Variants in NGEF observed in about 807,000 individuals in gnomAD.
NGEF encodes neuronal guanine nucleotide exchange factor, also known as ephexin-1.
Under a neutral mutation model 80.9 loss-of-function variants are expected in NGEF, and 31 were observed. That is an observed-to-expected ratio of 0.38 (90% CI 0.29 to 0.52). The LOEUF (loss-of-function observed/expected upper bound fraction) is 0.52, where lower values mean the gene tolerates loss of function less well. Ranked by LOEUF, NGEF falls within the 20% of genes least tolerant of loss-of-function variation. The pLI is 0.84. For synonymous variants in NGEF, 371 were observed against 370.2 expected, an observed-to-expected ratio of 1.00 and a Z score of -0.03; for missense variants, 709 against 926.2, an observed-to-expected ratio of 0.77 and a Z score of 3.04.
intron 1 of NGEF, among the ~76,000 whole-genome samples, chr2:232,990,612 A>C: frequency 6.6e-6 from 1 of 152,112 alleles, no homozygotes; most frequent in Non-Finnish European, 1.5e-5. Context: ...AATATCATTA[A>C]ATGTTACAAT....
chr2:232,993,020 C>T (rs984532206), intron 1 of NGEF, among the ~76,000 whole-genome samples: 10 of 142,240 alleles, frequency 7.0e-5, no homozygotes, highest in Admixed American at 2.2e-4. Context: ...CACACACACA[C>T]GCACATAAAT....
intron 10 of NGEF, 150 bp downstream of exon 10, chr2:232,885,130 G>C: frequency 1.5e-6 from 1 of 671,762 alleles, no homozygotes. Flanking sequence ...GGTGGCTTCA[G>C]CTGGGGAGGT....
chr2:232,925,298 A>G (rs1419869269), intron 4 of NGEF, among the ~76,000 whole-genome samples: 2 of 152,222 alleles, frequency 1.3e-5, no homozygotes, highest in African/African-American at 4.8e-5. Flanking sequence ...GGATCCGCTT[A>G]GCACAGACCT....
At chr2:232,985,808 G>A (rs766222250) in intron 1 of NGEF, among the ~76,000 whole-genome samples, 7 of 149,978 alleles carry the variant, frequency 4.7e-5, no homozygotes, top group South Asian at 4.3e-4. Context: ...GTGTGGTGGC[G>A]GGCACCTGTA....
In NGEF at chr2:233,001,699, C is replaced by T. The variant is rs533148447; in HGVS notation, c.-75+11369G>A. On this transcript the variant is annotated intron_variant, in intron 1 of 14. Coordinates refer to ENST00000264051, the MANE Select transcript of NGEF (RefSeq NM_019850.3). ...AACGAGCAGTAGCCTGGCCAACGTGCGAAACCCCAACTCTATTAAAAATAC... is the reference window on the plus strand; with the variant it reads ...AACGAGCAGTAGCCTGGCCAACGTGTGAAACCCCAACTCTATTAAAAATAC... Among the ~76,000 whole-genome samples the T allele has an allele frequency of 9.2e-5, 14 of 152,244 alleles. No homozygotes were observed. The East Asian group carries it at 2.1e-3, about 23-fold the overall frequency.
chr2:233,009,268 C>T (rs1695153537), intron 1 of NGEF, among the ~76,000 whole-genome samples: 1 of 152,200 alleles, frequency 6.6e-6, no homozygotes, highest in Admixed American at 6.5e-5. Flanking sequence ...TGAGTGAGAA[C>T]ACGAGATATA....
chr2:232,905,722 G>A (rs773847928), intron 5 of NGEF: 48 of 394,462 alleles, frequency 1.2e-4, no homozygotes, highest in Middle Eastern at 7.9e-4. Context: ...GCCGCCCATC[G>A]TCTGAGATGT....
intron 8 of NGEF, among the ~76,000 whole-genome samples, chr2:232,889,527 G>A (rs890610924): frequency 6.6e-6 from 1 of 152,148 alleles, no homozygotes; most frequent in African/African-American, 2.4e-5. Flanking sequence ...TCTTATAGAA[G>A]CTAAGGTTTT....
At chr2:232,927,414 C>A (rs1236317896) in intron 3 of NGEF, among the ~76,000 whole-genome samples, 1 of 152,162 alleles carries the variant, frequency 6.6e-6, no homozygotes, top group Non-Finnish European at 1.5e-5. Context: ...TCCACACCAG[C>A]CCGCCCAAAC....
At chr2:232,942,908 T>C (rs1403213789) in intron 3 of NGEF, among the ~76,000 whole-genome samples, 2 of 97,376 alleles carry the variant, frequency 2.1e-5, no homozygotes, top group Non-Finnish European at 5.0e-5. Context: ...AAATTTCTTT[T>C]TTTTTTTTTT....
chr2:232,993,208 TTGCCCGTATAGATACACAC>T (rs1694707484), intron 1 of NGEF, among the ~76,000 whole-genome samples: 17 of 130,500 alleles, frequency 1.3e-4, no homozygotes, highest in African/African-American at 1.8e-4. Flanking sequence ...ATATATATAT[TTGCCCGTATAGATACACAC>T]ATATATATGT....
chr2:232,887,637 G>A (rs1239126827), intron 9 of NGEF, among the ~76,000 whole-genome samples: 1 of 152,192 alleles, frequency 6.6e-6, no homozygotes. Flanking sequence ...AGACAAGCCT[G>A]GGGTCTGTGT....
At position 232,906,749 on chromosome 2, in the gene NGEF, G is replaced by A. The variant is rs184651340; in HGVS notation, c.829-11833C>T. On this transcript the variant is annotated intron_variant, in intron 5 of 14. Transcript: ENST00000264051. ...TTTTGTGGAATAGAAAAGGGGGCAA[G>A]GTGGGGAAAAGATTGAGAAATCGGA... Among the ~76,000 whole-genome samples, 841 of 151,284 alleles carry A rather than the reference G, an allele frequency of 5.6e-3. 12 individuals are homozygous for A. The highest frequency in any genetic ancestry group is 0.02 in the African/African-American group (803 of 41,130).
Position 232,970,282 on chromosome 2 carries a change from A to G in NGEF, c.315T>C (p.Asn105=), listed in dbSNP as rs1045095622. ...GKSVNEPLTL[N]IPWSRMPPCR... is the part of the protein sequence containing the mutation. Reference sequence around the variant, plus strand: ...AAGGAGGCATTCTGCTCCAGGGGATATTCAAGGTCAGGGGCTCATTTACAG... The same window carrying G: ...AAGGAGGCATTCTGCTCCAGGGGATGTTCAAGGTCAGGGGCTCATTTACAG... The change falls in exon 3 of 15, where the codon AAT becomes AAC. Residue 105 remains asparagine (N), a synonymous_variant. Coordinates refer to ENST00000264051, the MANE Select transcript of NGEF (RefSeq NM_019850.3). The G allele has an allele frequency of 3.1e-6, 5 of 1,605,008 alleles. No homozygotes were observed. The African/African-American group carries it at 6.7e-5, about 22-fold the overall frequency.
At position 232,908,248 on chromosome 2, in the gene NGEF, A is replaced by AT. The variant is rs571751000; in HGVS notation, c.828+12035dup. Among the ~76,000 whole-genome samples, 39 of 152,362 alleles carry AT rather than the reference A, an allele frequency of 2.6e-4. No homozygotes were observed. The South Asian group carries it at 3.9e-3, about 15-fold the overall frequency. On this transcript the variant is annotated intron_variant, in intron 5 of 14. Transcript: ENST00000264051. ...CCCCTAACTTTTTGCTGGGATGAAC[A>AT]TGCTAATAAATAAATATTTGTGTAC...
chr2:233,006,977 A>G (rs1695097121), intron 1 of NGEF, among the ~76,000 whole-genome samples: 1 of 152,208 alleles, frequency 6.6e-6, no homozygotes, highest in African/African-American at 2.4e-5. Flanking sequence ...ATGGTAGGTC[A>G]TGCTTGTATA....
intron 1 of NGEF, 129 bp from the exon 2 acceptor site, chr2:232,975,093 T>A: frequency 1.7e-6 from 1 of 572,016 alleles, no homozygotes; most frequent in African/African-American, 1.9e-5. Flanking sequence ...TATCCACGTC[T>A]TCGCCACTGA....
chr2:232,929,529 C>A (rs1302403514), intron 3 of NGEF, among the ~76,000 whole-genome samples: 2 of 152,106 alleles, frequency 1.3e-5, no homozygotes, highest in Non-Finnish European at 2.9e-5. Flanking sequence ...CTCTTCATGC[C>A]CTTTGGGGCC....
In NGEF at chr2:232,920,271, C is replaced by T. The variant is rs1440545069; in HGVS notation, c.828+13G>A. On this transcript the variant is annotated intron_variant, in intron 5 of 14. Coordinates refer to ENST00000264051, the MANE Select transcript of NGEF (RefSeq NM_019850.3). ...GTGCTGTGGGGGAGCCCCCGCCCCT[C>T]GGCGCCTGTTACCTCCTGCAGCTTA... The T allele has an allele frequency of 2.5e-6, 4 of 1,605,714 alleles. No homozygotes were observed. Among genetic ancestry groups the T allele is most frequent in the Non-Finnish European group, 8.5e-7 (1 of 1,175,862 alleles).
Sources: gnomAD v4.1 joint callset for allele counts (sites outside exome capture counted in the v4.1 genomes callset) on GRCh38, gnomAD v4.1.1 for gene constraint, MANE v1.5 for transcripts, NCBI Gene and HGNC (gene_info 2026-07-23, HGNC 2026-07-21) for gene names.